The following UBIAD1 variants were observed in gnomAD, a reference collection of about 807,000 sequenced individuals.
The protein encoded by UBIAD1 is ubiA prenyltransferase domain-containing protein 1.
A neutral mutation model predicts 20.1 loss-of-function variants in UBIAD1; 12 were observed. That is an observed-to-expected ratio of 0.60 (90% CI 0.38 to 0.97). UBIAD1 has a LOEUF of 0.97. UBIAD1 is among the 50% of genes least tolerant of loss of function. The pLI, the probability that UBIAD1 is intolerant of heterozygous loss-of-function variation, is 0.00. For synonymous variants in UBIAD1, 207 were observed against 189.2 expected (o/e 1.09, Z -0.77); for missense variants, 333 against 419.5 (o/e 0.79, Z 1.80).
chr1:11,295,338 C>G, downstream of UBIAD1: 1 of 188,634 alleles, frequency 5.3e-6, no homozygotes, highest in South Asian at 1.2e-4. Flanking sequence ...CTGTTGCTGC[C>G]TGAGAGAGTA....
downstream of UBIAD1, among the ~76,000 whole-genome samples, chr1:11,288,757 A>T (rs974123354): frequency 2.0e-5 from 3 of 152,184 alleles, no homozygotes; most frequent in African/African-American, 7.2e-5. Context: ...AAAAAATTTT[A>T]AAAAGTTAGC....
intron 1 of UBIAD1, among the ~76,000 whole-genome samples, chr1:11,284,438 A>AGG (rs949736645): frequency 6.6e-6 from 1 of 151,574 alleles, no homozygotes; most frequent in Admixed American, 6.6e-5. Context: ...ATGTTGGGGG[A>AGG]GGGGGTGGTC....
In UBIAD1 at chr1:11,286,540, C is replaced by A; in HGVS notation, c.*409C>A. On this transcript the variant is annotated 3_prime_UTR_variant, in exon 2 of 2. Coordinates refer to ENST00000376810, the MANE Select transcript of UBIAD1 (RefSeq NM_013319.3). ...CCCTAATAACTAGGCAGAGTGTTGT[C>A]CTGCTTTCTTCGTCTCGTAGGATGT... The A allele has an allele frequency of 3.3e-6, 1 of 305,720 alleles. No homozygotes were observed. Among genetic ancestry groups the A allele is most frequent in the Non-Finnish European group, 6.3e-6 (1 of 159,742 alleles). 18.9% of individuals were successfully genotyped at this position (305,720 alleles called of 1,614,324 possible).
At chr1:11,276,692 T>G (rs1652042281) in intron 1 of UBIAD1, among the ~76,000 whole-genome samples, 1 of 151,356 alleles carries the variant, frequency 6.6e-6, no homozygotes, top group African/African-American at 2.4e-5. Context: ...CCAACTTTAG[T>G]TTCAAAATTA....
Position 11,273,397 on chromosome 1 carries a change from C to T in UBIAD1, c.-135C>T. 1.7e-6 allele frequency: 2 copies of T among 1,146,418 alleles called. No homozygotes were observed. The highest frequency in any genetic ancestry group is 2.5e-5 in the East Asian group (1 of 39,592). 71.0% of individuals were successfully genotyped at this position (1,146,418 alleles called of 1,614,324 possible). A position where few individuals can be genotyped will look rare whatever the true frequency, so the allele number is the denominator to read the frequency against. ...ACTTGCTGTTGCCCCCGGACCTTGC[C>T]GCCACACCAGCCCTGTCCTGGGGCG... On this transcript the variant is annotated 5_prime_UTR_variant, in exon 1 of 2. Coordinates refer to ENST00000376810, the MANE Select transcript of UBIAD1 (RefSeq NM_013319.3). This position sits in a 1 kb window ranked among gnomAD's most constrained non-coding sequence, Gnocchi z 4.9.
At chr1:11,279,523 A>G (rs1273006352) in intron 1 of UBIAD1, among the ~76,000 whole-genome samples, 1 of 152,082 alleles carries the variant, frequency 6.6e-6, no homozygotes, top group Non-Finnish European at 1.5e-5. Flanking sequence ...TCCCGGGTTC[A>G]AGTGATTCTC....
At chr1:11,296,583 A>G (rs1456464746), downstream of UBIAD1, among the ~76,000 whole-genome samples, 3 of 152,118 alleles carry the variant, frequency 2.0e-5, no homozygotes, top group Non-Finnish European at 4.4e-5. Flanking sequence ...CAGTAGCACA[A>G]TCATGGCTTA....
chr1:11,281,924 G>A (rs200726754), intron 1 of UBIAD1, among the ~76,000 whole-genome samples: 2 of 152,178 alleles, frequency 1.3e-5, no homozygotes, highest in African/African-American at 2.4e-5. Context: ...GTTTTATTGC[G>A]TGTATCAGTA....
At chr1:11,298,609 A>AAAT (rs1557525995), downstream of UBIAD1, among the ~76,000 whole-genome samples, 4 of 129,484 alleles carry the variant, frequency 3.1e-5, no homozygotes, top group African/African-American at 1.3e-4. This position sits in a 1 kb window ranked among gnomAD's most constrained non-coding sequence, Gnocchi z 4.0. Flanking sequence ...AATAAATAAA[A>AAAT]GTTTCCCATG....
At position 11,274,018 on chromosome 1, in the gene UBIAD1, A is replaced by T. The variant is rs770846493; in HGVS notation, c.487A>T (p.Ile163Phe). The change falls in exon 1 of 2, where the codon ATC becomes TTC. Residue 163 changes from isoleucine (I) to phenylalanine (F), a missense_variant. Physicochemically the swap from Ile to Phe is conservative, Grantham distance 21. This residue lies in a region of UBIAD1 where 226 missense variants were observed against 263.5 expected (regional missense o/e 0.86). Coordinates refer to ENST00000376810, the MANE Select transcript of UBIAD1 (RefSeq NM_013319.3). The stretch of plus-strand genomic sequence containing the variant: ...TCTGAAACTGGAGCACTTGGCTCTT[A>T]TCTACTTTGGAGGCCTGTCTGGCTC... ...SPLKLEHLALIYFGGLSGSFL... is the reference protein window; with the variant it reads ...SPLKLEHLALFYFGGLSGSFL... The T allele has an allele frequency of 3.7e-6, 6 of 1,614,066 alleles. No homozygotes were observed. In the South Asian group the frequency reaches 6.6e-5, roughly 18 times the overall value.
intron 1 of UBIAD1, among the ~76,000 whole-genome samples, chr1:11,284,734 G>A (rs1186840096): frequency 6.6e-6 from 1 of 152,192 alleles, no homozygotes; most frequent in Non-Finnish European, 1.5e-5. Context: ...AGAGTGCTGG[G>A]ATTACAGGTG....
chr1:11,292,739 C>T (rs1638387851), downstream of UBIAD1, among the ~76,000 whole-genome samples: 2 of 151,378 alleles, frequency 1.3e-5, no homozygotes, highest in African/African-American at 4.9e-5. Context: ...ACCTCGAAAG[C>T]CCTTGAAGTG....
downstream of UBIAD1, chr1:11,296,060 C>T (rs1319524565): frequency 6.6e-6 from 1 of 152,220 alleles, no homozygotes; most frequent in East Asian, 1.9e-4. Flanking sequence ...GATCAATTCA[C>T]TATCTATGAC....
intron 1 of UBIAD1, among the ~76,000 whole-genome samples, chr1:11,274,674 A>G (rs1246643306): frequency 6.6e-6 from 1 of 151,450 alleles, no homozygotes; most frequent in Non-Finnish European, 1.5e-5. Context: ...CAGTGGCACC[A>G]TCTCGGCTTA....
chr1:11,280,330 G>A (rs1190878902), intron 1 of UBIAD1, among the ~76,000 whole-genome samples: 2 of 152,086 alleles, frequency 1.3e-5, no homozygotes, highest in East Asian at 3.9e-4. Flanking sequence ...CTCTGTCATG[G>A]CGATCTTAAC....
At position 11,285,819 on chromosome 1, in the gene UBIAD1, G is replaced by A. The variant is rs1250526789; in HGVS notation, c.705G>A (p.Arg235=). The change falls in exon 2 of 2, where the codon AGG becomes AGA. Residue 235 remains arginine, a synonymous_variant. Transcript: ENST00000376810. This position sits in a 1 kb window ranked among gnomAD's most constrained non-coding sequence, Gnocchi z 4.4. ...CCATTCTCCATTCCAACAACACCAG[G>A]GACATGGAGTCCGACCGGGAGGCTG... The part of the protein sequence containing the change: ...TEAILHSNNT[R]DMESDREAGI... The A allele has an allele frequency of 1.2e-6, 2 of 1,614,124 alleles. No individual in the cohort carries two copies. The highest frequency in any genetic ancestry group is 1.7e-6 in the Non-Finnish European group (2 of 1,180,032).
At chr1:11,281,217 C>G (rs904744383) in intron 1 of UBIAD1, among the ~76,000 whole-genome samples, 5 of 152,284 alleles carry the variant, frequency 3.3e-5, no homozygotes, top group Admixed American at 3.3e-4. Flanking sequence ...CTCAGTGAGG[C>G]CTTGCTTTCT....
intron 1 of UBIAD1, chr1:11,294,754 C>T (rs1638421166): frequency 2.8e-6 from 2 of 713,902 alleles, no homozygotes; most frequent in Non-Finnish European, 2.6e-6. Context: ...TGCCCATCCC[C>T]AGATAATGGA....
chr1:11,289,576 T>G (rs1230099738), downstream of UBIAD1, among the ~76,000 whole-genome samples: 1 of 151,920 alleles, frequency 6.6e-6, no homozygotes, highest in Non-Finnish European at 1.5e-5. Flanking sequence ...TATTTATTAT[T>G]TTTTTTGAGA....
Sources: gnomAD v4.1 joint callset for allele counts (sites outside exome capture counted in the v4.1 genomes callset) on GRCh38, gnomAD v4.1.1 for gene constraint, gnomAD v4.1.1 regional missense constraint, Gnocchi (gnomAD v3.1) non-coding constraint, MANE v1.5 for transcripts, NCBI Gene and HGNC (gene_info 2026-07-23, HGNC 2026-07-21) for gene names.